The following SMG7 variants were observed in gnomAD, a reference collection of about 807,000 sequenced individuals.
The protein encoded by SMG7 is nonsense-mediated mRNA decay factor SMG7.
SMG7 carries 34 observed loss-of-function variants against 148.2 expected under a neutral mutation model. The ratio of observed to expected loss-of-function variants is 0.23; its 90% confidence interval spans 0.17 to 0.31. The LOEUF (loss-of-function observed/expected upper bound fraction) is 0.31, where lower values mean the gene tolerates loss of function less well. SMG7 is among the 10% of genes least tolerant of loss of function. The probability of loss-of-function intolerance (pLI) is 1.00; values close to 1 mark genes in which losing one functional copy is unlikely to be tolerated. For missense variants in SMG7, 1,114 were observed against 1,408.4 expected (o/e 0.79, Z 3.35); for synonymous variants, 492 against 515.1 (o/e 0.96, Z 0.61).
At chr1:183,504,324 G>GATTTATTTATTT (rs374218162) in intron 1 of SMG7, among the ~76,000 whole-genome samples, 2 of 150,892 alleles carry the variant, frequency 1.3e-5, no homozygotes, top group South Asian at 2.1e-4. Context: ...TTGATATCTT[G>GATTTATTTATTT]ATTTATTTAT....
Position 183,545,332 on chromosome 1 carries a change from A to G in SMG7, c.2370+20A>G, listed in dbSNP as rs764381735. The G allele has an allele frequency of 6.3e-7, 1 of 1,599,378 alleles. No individual in the cohort carries two copies. The highest frequency in any genetic ancestry group is 2.2e-5 in the East Asian group (1 of 44,770). On this transcript the variant is annotated intron_variant, in intron 16 of 22. Transcript: ENST00000688051. ...CAGCAGGTAAGTTACAGTTGTGTGTACTATCCAGCTGAATGAAATAAGGGG... is the reference window on the plus strand; with the variant it reads ...CAGCAGGTAAGTTACAGTTGTGTGTGCTATCCAGCTGAATGAAATAAGGGG...
chr1:183,504,277 T>C (rs905729707), intron 1 of SMG7, among the ~76,000 whole-genome samples: 37 of 152,310 alleles, frequency 2.4e-4, no homozygotes, highest in African/African-American at 8.9e-4. Flanking sequence ...TATTTCCTTT[T>C]TTGAATTATC....
intron 3 of SMG7, among the ~76,000 whole-genome samples, chr1:183,516,469 C>G (rs1483185998): frequency 6.6e-6 from 1 of 152,166 alleles, no homozygotes; most frequent in Non-Finnish European, 1.5e-5. Flanking sequence ...CCCCTACCCC[C>G]AATAAAATGA....
Position 183,551,983 on chromosome 1 carries a change from G to C in SMG7, c.*52G>C. ...GGCTCCATAAACCATGGCATGTTGG[G>C]TTTGCAGGACTGGCCCACACAGTCC... On this transcript the variant is annotated 3_prime_UTR_variant, in exon 23 of 23. Coordinates refer to ENST00000688051, the MANE Select transcript of SMG7 (RefSeq NM_001375584.1). 6.3e-7 allele frequency: 1 copy of C among 1,596,800 alleles called. No individual in the cohort carries two copies. Among genetic ancestry groups the C allele is most frequent in the Non-Finnish European group, 8.5e-7 (1 of 1,170,128 alleles).
At chr1:183,487,011 A>G (rs1238715953) in intron 1 of SMG7, among the ~76,000 whole-genome samples, 4 of 152,228 alleles carry the variant, frequency 2.6e-5, no homozygotes, top group African/African-American at 4.8e-5. Flanking sequence ...AGGAACAGAA[A>G]AAACACTGGC....
chr1:183,509,931 A>T (rs1661759658), intron 1 of SMG7, among the ~76,000 whole-genome samples: 1 of 152,178 alleles, frequency 6.6e-6, no homozygotes, highest in South Asian at 2.1e-4. Flanking sequence ...TCATCACCTG[A>T]CAGCTTATAA....
In SMG7 at chr1:183,533,345, A is replaced by G. The variant is rs751803686; in HGVS notation, c.1006+19A>G. On this transcript the variant is annotated intron_variant, in intron 9 of 22. Transcript: ENST00000688051. Reference sequence around the variant, plus strand: ...CTCTTTAGTGAGTATTGAATTACTTAACATGTGCCATCTTTTTTGAAAAAC... The same window carrying G: ...CTCTTTAGTGAGTATTGAATTACTTGACATGTGCCATCTTTTTTGAAAAAC... 1.2e-6 allele frequency: 2 copies of G among 1,602,636 alleles called. No individual in the cohort carries two copies. The highest frequency in any genetic ancestry group is 1.7e-6 in the Non-Finnish European group (2 of 1,173,856).
rs757054233 is a variant in SMG7, at chr1:183,517,657, T to A, written c.180-31T>A. 20 of 1,613,010 alleles carry A rather than the reference T, an allele frequency of 1.2e-5. No individual in the cohort carries two copies. In the South Asian group the frequency reaches 2.2e-4, roughly 18 times the overall value. On this transcript the variant is annotated intron_variant, in intron 3 of 22. Coordinates refer to ENST00000688051, the MANE Select transcript of SMG7 (RefSeq NM_001375584.1). Reference sequence around the variant, plus strand: ...CAGTGTCTGCCCAGTGAGTCACTGCTATACCAAATAGAATTACATTTTGTT... The same window carrying A: ...CAGTGTCTGCCCAGTGAGTCACTGCAATACCAAATAGAATTACATTTTGTT...
chr1:183,547,535 A>G (rs925253696), intron 18 of SMG7, among the ~76,000 whole-genome samples: 1 of 152,254 alleles, frequency 6.6e-6, no homozygotes, highest in Non-Finnish European at 1.5e-5. Flanking sequence ...TGATGGTGAC[A>G]AATTAACTCA....
chr1:183,473,822 A>T, intron 1 of SMG7: 1 of 985,372 alleles, frequency 1.0e-6, no homozygotes, highest in Middle Eastern at 5.2e-4. Flanking sequence ...GTCTGAAATG[A>T]GTGGAAAAGT....
At chr1:183,488,579 A>G (rs1656088910) in intron 1 of SMG7, among the ~76,000 whole-genome samples, 1 of 151,818 alleles carries the variant, frequency 6.6e-6, no homozygotes, top group African/African-American at 2.4e-5. Context: ...TCAAGTGCTC[A>G]TGTGGCTAGT....
chr1:183,531,678 C>T (rs569986725), intron 8 of SMG7, among the ~76,000 whole-genome samples: 10 of 152,066 alleles, frequency 6.6e-5, no homozygotes, highest in South Asian at 2.1e-4. Context: ...TCTGTGCATA[C>T]GCTAGAAAAT....
rs1179197870 is a variant in SMG7 at position 183,526,951 on chromosome 1, C to T, written c.484+184C>T. 3.9e-5 allele frequency among the ~76,000 whole-genome samples: 6 copies of T among 152,140 alleles called. No individual in the cohort carries two copies. In the East Asian group the frequency reaches 5.8e-4, roughly 15 times the overall value. On this transcript the variant is annotated intron_variant, in intron 5 of 22. Coordinates refer to ENST00000688051, the MANE Select transcript of SMG7 (RefSeq NM_001375584.1). Reference sequence around the variant, plus strand: ...AATATTTTTGGGATTGGCAGAGCATCGTGAAGAAAGTAACTTTCATATTAA... The same window carrying T: ...AATATTTTTGGGATTGGCAGAGCATTGTGAAGAAAGTAACTTTCATATTAA...
intron 1 of SMG7, among the ~76,000 whole-genome samples, chr1:183,499,326 A>T (rs1659249405): frequency 6.6e-6 from 1 of 152,196 alleles, no homozygotes; most frequent in African/African-American, 2.4e-5. Context: ...GTAACTGCTA[A>T]ACTTCCAAAG....
At chr1:183,518,523 G>C (rs1664087318) in intron 4 of SMG7, 1 of 152,182 alleles carries the variant, frequency 6.6e-6, no homozygotes, top group Non-Finnish European at 1.5e-5. Context: ...AGTTTTCATA[G>C]TATTATTTAT....
intron 1 of SMG7, among the ~76,000 whole-genome samples, chr1:183,473,407 A>G (rs1193658813): frequency 6.6e-6 from 1 of 151,796 alleles, no homozygotes; most frequent in Non-Finnish European, 1.5e-5. Flanking sequence ...AGAGTGACAC[A>G]TGGGAATAGT....
At chr1:183,516,160 C>T (rs574064978) in intron 3 of SMG7, 169 bp downstream of exon 3, 42 of 574,678 alleles carry the variant, frequency 7.3e-5, no homozygotes, top group Non-Finnish European at 1.3e-4. Flanking sequence ...ATTTCAAATA[C>T]AGTCTTTGGA....
intron 4 of SMG7, among the ~76,000 whole-genome samples, chr1:183,518,445 C>T (rs550135150): frequency 5.0e-4 from 76 of 152,208 alleles, no homozygotes; most frequent in Non-Finnish European, 9.1e-4. Flanking sequence ...ATGGATATAG[C>T]TATAGTCATT....
chr1:183,514,289 T>C (rs1213852033), intron 2 of SMG7, among the ~76,000 whole-genome samples: 1 of 151,692 alleles, frequency 6.6e-6, no homozygotes, highest in African/African-American at 2.4e-5. Context: ...TATTAAAATA[T>C]CTTTTTGTCA....
Sources: gnomAD v4.1 joint callset for allele counts (sites outside exome capture counted in the v4.1 genomes callset) on GRCh38, gnomAD v4.1.1 for gene constraint, MANE v1.5 for transcripts, NCBI Gene and HGNC (gene_info 2026-07-23, HGNC 2026-07-21) for gene names.